Variants in CDH8 observed in about 807,000 individuals in gnomAD.
The protein encoded by CDH8 is cadherin-8.
Under a neutral mutation model 68.1 loss-of-function variants are expected in CDH8, and 17 were observed. That is an observed-to-expected ratio of 0.25 (90% CI 0.17 to 0.37). The LOEUF is 0.37. Ranked by LOEUF, CDH8 falls within the 10% of genes least tolerant of loss-of-function variation. The probability of loss-of-function intolerance (pLI) is 1.00; values close to 1 mark genes in which losing one functional copy is unlikely to be tolerated. For missense variants in CDH8, 763 were observed against 999.3 expected, an observed-to-expected ratio of 0.76 and a Z score of 3.19; for synonymous variants, 372 against 365.1, an observed-to-expected ratio of 1.02 and a Z score of -0.21.
At chr16:62,012,961 T>G (rs900985069) in intron 2 of CDH8, among the ~76,000 whole-genome samples, 1 of 135,724 alleles carries the variant, frequency 7.4e-6, no homozygotes, top group African/African-American at 2.7e-5. Flanking sequence ...TCTCTTTAAA[T>G]TAACTACTTA....
intron 2 of CDH8, among the ~76,000 whole-genome samples, chr16:61,960,762 T>G (rs909166448): frequency 6.6e-5 from 10 of 152,158 alleles, no homozygotes; most frequent in Non-Finnish European, 1.2e-4. Flanking sequence ...CTTGACTGGC[T>G]GGATCTTCGT....
intron 2 of CDH8, among the ~76,000 whole-genome samples, chr16:61,903,276 T>C (rs1444828601): frequency 6.6e-6 from 1 of 152,244 alleles, no homozygotes; most frequent in Non-Finnish European, 1.5e-5. Flanking sequence ...TAAAATTAAC[T>C]AAGAGAAGTA....
chr16:61,868,900 G>T (rs1963305399), intron 3 of CDH8, among the ~76,000 whole-genome samples: 1 of 152,112 alleles, frequency 6.6e-6, no homozygotes, highest in African/African-American at 2.4e-5. Context: ...GAATGATTAA[G>T]GTTGTGCCAA....
At chr16:61,692,172 A>G (rs554327704) in intron 10 of CDH8, 2 of 152,284 alleles carry the variant, frequency 1.3e-5, no homozygotes, top group South Asian at 4.1e-4. Flanking sequence ...CAATGTTTTT[A>G]TGAGAGTCAC....
chr16:61,882,458 A>G (rs1196254153), intron 3 of CDH8, among the ~76,000 whole-genome samples: 1 of 152,198 alleles, frequency 6.6e-6, no homozygotes, highest in Non-Finnish European at 1.5e-5. Context: ...TGTTCTACTC[A>G]CATGGCTTGA....
chr16:61,764,375 C>T (rs1443878753), intron 8 of CDH8, among the ~76,000 whole-genome samples: 1 of 152,102 alleles, frequency 6.6e-6, no homozygotes, highest in Non-Finnish European at 1.5e-5. Context: ...AATCAGAGTT[C>T]TTCAGTACTT....
chr16:61,744,719 G>A (rs1959969582), intron 8 of CDH8, among the ~76,000 whole-genome samples: 1 of 150,390 alleles, frequency 6.6e-6, no homozygotes, highest in African/African-American at 2.4e-5. Context: ...TTATTTTAGT[G>A]ACAACACTAA....
At chr16:61,838,911 T>A (rs774557153) in intron 4 of CDH8, among the ~76,000 whole-genome samples, 1 of 152,120 alleles carries the variant, frequency 6.6e-6, no homozygotes, top group Non-Finnish European at 1.5e-5. Context: ...CTTTTGTCAC[T>A]AAAATGATCA....
At chr16:61,768,425 T>C (rs919833517) in intron 8 of CDH8, among the ~76,000 whole-genome samples, 2 of 138,554 alleles carry the variant, frequency 1.4e-5, no homozygotes, top group East Asian at 4.4e-4. Context: ...TCTCTCTCTC[T>C]CTCCCTCTCC....
At chr16:61,945,585 G>C (rs1324540284) in intron 2 of CDH8, among the ~76,000 whole-genome samples, 4 of 152,152 alleles carry the variant, frequency 2.6e-5, no homozygotes, top group East Asian at 3.9e-4. Flanking sequence ...GTTTGCTTAA[G>C]AGTTAAGAAC....
intron 4 of CDH8, among the ~76,000 whole-genome samples, chr16:61,834,152 A>AG: frequency 6.6e-6 from 1 of 152,072 alleles, no homozygotes; most frequent in East Asian, 1.9e-4. Flanking sequence ...TTGCTGCTTC[A>AG]GGGACTCAGC....
intron 7 of CDH8, among the ~76,000 whole-genome samples, chr16:61,804,663 A>G (rs891729976): frequency 1.1e-4 from 17 of 150,584 alleles, no homozygotes; most frequent in Admixed American, 4.0e-4. Context: ...CAGAAATACA[A>G]ACTACCATCA....
chr16:61,832,324 G>GATACATA (rs1962473675), intron 4 of CDH8, among the ~76,000 whole-genome samples: 3 of 145,350 alleles, frequency 2.1e-5, no homozygotes, highest in African/African-American at 7.6e-5. Flanking sequence ...GAGGAAGACA[G>GATACATA]ATAGATAATA....
chr16:61,754,828 A>T (rs11640658), intron 8 of CDH8, among the ~76,000 whole-genome samples: 1 of 152,186 alleles, frequency 6.6e-6, no homozygotes, highest in Non-Finnish European at 1.5e-5. Flanking sequence ...GGTATATTGT[A>T]TGATGTGATG....
At chr16:62,020,498 G>GCACACA (rs3072068) in intron 2 of CDH8, among the ~76,000 whole-genome samples, 12 of 149,766 alleles carry the variant, frequency 8.0e-5, no homozygotes, top group African/African-American at 2.2e-4. Context: ...ACGCGCGCGC[G>GCACACA]CACACACACA....
intron 7 of CDH8, among the ~76,000 whole-genome samples, chr16:61,796,604 G>A (rs138871030): frequency 1.5e-3 from 223 of 152,156 alleles, no homozygotes; most frequent in Admixed American, 3.1e-3. Flanking sequence ...ATATTCACAA[G>A]AGACTTATTT....
chr16:61,812,114 G>A (rs1961965809), intron 7 of CDH8, among the ~76,000 whole-genome samples: 1 of 151,996 alleles, frequency 6.6e-6, no homozygotes, highest in African/African-American at 2.4e-5. Context: ...TACAGAAATT[G>A]AGAGTTATTG....
chr16:61,660,490 C>T (rs1207722014), intron 10 of CDH8, among the ~76,000 whole-genome samples: 1 of 151,654 alleles, frequency 6.6e-6, no homozygotes, highest in Non-Finnish European at 1.5e-5. Flanking sequence ...AGTGCACCAA[C>T]AAATGTGCAG....
rs760455016 is a variant in CDH8, at chr16:61,655,663, G to C, written c.1713C>G (p.Val571=). 1 of 1,613,984 alleles carries C rather than the reference G, an allele frequency of 6.2e-7. No individual in the cohort carries two copies. Among genetic ancestry groups the C allele is most frequent in the South Asian group, 1.1e-5 (1 of 91,068 alleles). Residue 571 remains valine, a synonymous_variant, in exon 11 of 12, where the codon GTC becomes GTG. Transcript: ENST00000577390. ...CACTGATTATGATTGGTAAAAGATA[G>C]ACTTCTTGCTTCTGGCGGTTGAATC... ...HNGFNRQKQE[V]YLLPIIISDS...
Sources: allele counts gnomAD v4.1 joint callset (sites outside exome capture counted in the v4.1 genomes callset), GRCh38; gene constraint gnomAD v4.1.1; transcripts MANE v1.5; gene names NCBI Gene and HGNC (gene_info 2026-07-23, HGNC 2026-07-21).